The following PPM1H variants were observed in gnomAD, a reference collection of about 807,000 sequenced individuals.
PPM1H encodes the protein protein phosphatase, Mg2+/Mn2+ dependent 1H, also known as protein phosphatase 1H.
In PPM1H, 27 loss-of-function variants were observed where a neutral mutation model predicts 54.9. That is an observed-to-expected ratio of 0.49 (90% confidence interval 0.36 to 0.68). The LOEUF is 0.68. Among genes scored for constraint, PPM1H ranks in the 30% least tolerant of loss-of-function variants. The pLI is 0.00. For synonymous variants in PPM1H, 305 were observed against 270.8 expected (o/e 1.13, Z -1.24); for missense variants, 596 against 667.8 (o/e 0.89, Z 1.19).
intron 4 of PPM1H, among the ~76,000 whole-genome samples, chr12:62,766,735 C>T (rs1452947774): frequency 6.6e-6 from 1 of 152,196 alleles, no homozygotes; most frequent in East Asian, 1.9e-4. Context: ...CTGTTTCTTG[C>T]AATCTTCTCC....
intron 4 of PPM1H, among the ~76,000 whole-genome samples, chr12:62,781,500 A>G (rs955094307): frequency 6.6e-6 from 1 of 152,224 alleles, no homozygotes; most frequent in Non-Finnish European, 1.5e-5. Flanking sequence ...AAATGTTTCA[A>G]TCCTTCCTAG....
At chr12:62,670,323 T>A (rs1185191258) in intron 8 of PPM1H, among the ~76,000 whole-genome samples, 1 of 152,124 alleles carries the variant, frequency 6.6e-6, no homozygotes, top group African/African-American at 2.4e-5. Flanking sequence ...ATTTTTGGGA[T>A]AATTTGAACT....
At chr12:62,820,218 T>A (rs918751226) in intron 2 of PPM1H, among the ~76,000 whole-genome samples, 6 of 152,208 alleles carry the variant, frequency 3.9e-5, no homozygotes, top group African/African-American at 1.4e-4. Context: ...CTGCCACTGC[T>A]GAAGCTTGAG....
At chr12:62,687,133 G>A (rs950173688) in intron 8 of PPM1H, among the ~76,000 whole-genome samples, 3 of 152,264 alleles carry the variant, frequency 2.0e-5, no homozygotes, top group African/African-American at 7.2e-5. Context: ...ATCAGTGGCA[G>A]AACTCCATGT....
At chr12:62,664,010 T>G (rs908596044) in intron 9 of PPM1H, among the ~76,000 whole-genome samples, 3 of 147,744 alleles carry the variant, frequency 2.0e-5, no homozygotes, top group Non-Finnish European at 4.5e-5. Flanking sequence ...AAAAAAAAAA[T>G]TATTCTGTGT....
Position 62,843,054 on chromosome 12 carries a change from G to A in PPM1H, c.246-10775C>T, listed in dbSNP as rs137891403. On this transcript the variant is annotated intron_variant, in intron 1 of 9. Transcript: ENST00000228705. ...TCATAGGCTGGGCATGGTGGCTCAC[G>A]CTTGTAATTCCAGCACTTTGGGAGG... 1.5e-4 allele frequency among the ~76,000 whole-genome samples: 23 copies of A among 152,324 alleles called. No homozygotes were observed. The East Asian group carries it at 3.9e-3, about 26-fold the overall frequency.
At chr12:62,906,774 A>G (rs879621599) in intron 1 of PPM1H, among the ~76,000 whole-genome samples, 22 of 152,266 alleles carry the variant, frequency 1.4e-4, no homozygotes, top group Non-Finnish European at 2.2e-4. Context: ...GTTCTTCCGT[A>G]TTAAAAGTAG....
In PPM1H at chr12:62,715,738, G is replaced by C. The variant is rs552522971; in HGVS notation, c.1073+4433C>G. On this transcript the variant is annotated intron_variant, in intron 6 of 9. Coordinates refer to ENST00000228705, the MANE Select transcript of PPM1H (RefSeq NM_020700.2). ...TAATGAGAGCAGGCAATTTTTCTAAGAACTGGTCCTTTTGGGATCTTCCCC... is the reference window on the plus strand; with the variant it reads ...TAATGAGAGCAGGCAATTTTTCTAACAACTGGTCCTTTTGGGATCTTCCCC... 2.0e-5 allele frequency among the ~76,000 whole-genome samples: 3 copies of C among 152,240 alleles called. No individual in the cohort carries two copies. In the South Asian group the frequency reaches 6.2e-4, roughly 32 times the overall value.
intron 1 of PPM1H, among the ~76,000 whole-genome samples, chr12:62,877,983 C>T (rs1319588191): frequency 4.6e-5 from 7 of 152,158 alleles, no homozygotes; most frequent in African/African-American, 1.4e-4. Flanking sequence ...CTGCAAGCTC[C>T]GCCTCCAGGG....
intron 2 of PPM1H, among the ~76,000 whole-genome samples, chr12:62,820,478 G>A (rs775879061): frequency 2.6e-5 from 4 of 152,196 alleles, no homozygotes; most frequent in Non-Finnish European, 5.9e-5. Context: ...GCCTAACTGG[G>A]AGGCACCTCC....
chr12:62,765,617 A>G (rs1592587722), intron 4 of PPM1H, among the ~76,000 whole-genome samples: 2 of 152,170 alleles, frequency 1.3e-5, no homozygotes, highest in South Asian at 2.1e-4. Context: ...GCTCTGGCCT[A>G]TTAGGGAAGA....
intron 1 of PPM1H, among the ~76,000 whole-genome samples, chr12:62,883,975 G>A (rs1430878124): frequency 6.6e-6 from 1 of 151,832 alleles, no homozygotes; most frequent in Non-Finnish European, 1.5e-5. Context: ...CAAGTCACCT[G>A]GAGAGGCCCC....
intron 1 of PPM1H, among the ~76,000 whole-genome samples, chr12:62,880,806 T>C (rs1870365337): frequency 6.6e-6 from 1 of 152,186 alleles, no homozygotes. Context: ...CATTCCCTTC[T>C]CCAGGTGCTC....
At chr12:62,862,112 C>T (rs1263897640) in intron 1 of PPM1H, among the ~76,000 whole-genome samples, 1 of 152,114 alleles carries the variant, frequency 6.6e-6, no homozygotes, top group Admixed American at 6.5e-5. Flanking sequence ...GAGTTTTCTA[C>T]CTGGAAAATT....
At chr12:62,926,331 C>T (rs1377987295) in intron 1 of PPM1H, among the ~76,000 whole-genome samples, 1 of 152,082 alleles carries the variant, frequency 6.6e-6, no homozygotes, top group African/African-American at 2.4e-5. Flanking sequence ...CATTTCCTTC[C>T]CCCCACCACC....
rs1020101862 is a variant in PPM1H at position 62,644,657 on chromosome 12, A to T, written c.*3832T>A. The T allele has an allele frequency of 1.3e-5, 2 of 152,216 alleles. No individual in the cohort carries two copies. Among genetic ancestry groups the T allele is most frequent in the Non-Finnish European group, 2.9e-5 (2 of 68,050 alleles). The allele number at this position is 152,216 out of a possible 1,614,324, so 9.4% of individuals were successfully genotyped here. A position where few individuals can be genotyped will look rare whatever the true frequency, so the allele number is the denominator to read the frequency against. On this transcript the variant is annotated 3_prime_UTR_variant, in exon 10 of 10. Coordinates refer to ENST00000228705, the MANE Select transcript of PPM1H (RefSeq NM_020700.2). ...TCTGCTCGCGTAGCGTCCTTTGAAA[A>T]ATCCCAGTGTACAAACATGTGCCAC...
chr12:62,861,714 T>C (rs1869608085), intron 1 of PPM1H, among the ~76,000 whole-genome samples: 1 of 152,152 alleles, frequency 6.6e-6, no homozygotes, highest in South Asian at 2.1e-4. Context: ...TAAGTCTCAT[T>C]CCCTTAAGCA....
In PPM1H at chr12:62,754,676, A is replaced by C. The variant is rs574208997; in HGVS notation, c.870-17090T>G. ...GTTCCTTAAGAGAGTAAGTCACCTC[A>C]TTCCCAATGCTTCTCTCCCAAACCC... On this transcript the variant is annotated intron_variant, in intron 4 of 9. Coordinates refer to ENST00000228705, the MANE Select transcript of PPM1H (RefSeq NM_020700.2). 2.6e-5 allele frequency among the ~76,000 whole-genome samples: 4 copies of C among 152,338 alleles called. No individual in the cohort carries two copies. The East Asian group carries it at 7.7e-4, about 29-fold the overall frequency.
intron 9 of PPM1H, among the ~76,000 whole-genome samples, chr12:62,651,195 C>G (rs1322899395): frequency 1.3e-5 from 2 of 152,208 alleles, no homozygotes; most frequent in African/African-American, 4.8e-5. Flanking sequence ...AGTTCATAAG[C>G]TTGATGTTTG....
Sources: allele counts gnomAD v4.1 joint callset (sites outside exome capture counted in the v4.1 genomes callset), GRCh38; gene constraint gnomAD v4.1.1; transcripts MANE v1.5; gene names NCBI Gene and HGNC (gene_info 2026-07-23, HGNC 2026-07-21).